GLYR1: variants seen among roughly 807,000 people sequenced by gnomAD.
GLYR1 encodes the protein cytokine-like nuclear factor N-PAC.
In GLYR1, 21 loss-of-function variants were observed where a neutral mutation model predicts 72.7. That is an observed-to-expected ratio of 0.29 (90% CI 0.20 to 0.42). The LOEUF (loss-of-function observed/expected upper bound fraction) is 0.42, where lower values mean the gene tolerates loss of function less well. Among genes scored for constraint, GLYR1 ranks in the 10% least tolerant of loss-of-function variants. GLYR1 has a pLI of 1.00. For missense variants in GLYR1, 594 were observed against 712.1 expected (o/e 0.83, Z 1.89); for synonymous variants, 392 against 270.2 (o/e 1.45, Z -4.42).
At chr16:4,845,211 T>C in intron 2 of GLYR1, 58 bp from the exon 3 acceptor site, 1 of 1,127,318 alleles carries the variant, frequency 8.9e-7, no homozygotes, top group Non-Finnish European at 1.4e-6. Flanking sequence ...CACTTTCTAG[T>C]GGCTCCACAT....
At position 4,841,673 on chromosome 16, in the gene GLYR1, AAC is replaced by A. The variant is rs1269159702; in HGVS notation, c.155+3399_155+3400del. On this transcript the variant is annotated intron_variant, in intron 3 of 15. Coordinates refer to ENST00000321919, the MANE Select transcript of GLYR1 (RefSeq NM_032569.4). ...CAAGAACAACAACAACAACAACAAC[AAC>A]AAAAAACATAAGGAAACAATGGCTT... 4.6e-5 allele frequency among the ~76,000 whole-genome samples: 7 copies of A among 151,902 alleles called. No individual in the cohort carries two copies. The South Asian group carries it at 8.3e-4, about 18-fold the overall frequency.
chr16:4,820,106 T>G (rs1033297537), intron 9 of GLYR1, among the ~76,000 whole-genome samples: 1 of 152,142 alleles, frequency 6.6e-6, no homozygotes, highest in African/African-American at 2.4e-5. Flanking sequence ...CAAGCGATTC[T>G]CCCACCTCAG....
chr16:4,824,498 C>CAAAA (rs142627380), intron 5 of GLYR1, among the ~76,000 whole-genome samples: 2 of 95,148 alleles, frequency 2.1e-5, no homozygotes, highest in Admixed American at 1.1e-4. Context: ...GACTCCATCT[C>CAAAA]AAAAAAAAAA....
At chr16:4,821,658 T>C (rs376364915) in intron 7 of GLYR1, 61 bp from the exon 8 acceptor site, 99 of 1,493,850 alleles carry the variant, frequency 6.6e-5, no homozygotes, top group Non-Finnish European at 9.0e-5. Flanking sequence ...GTCTTCATAA[T>C]AATCCCCTCA....
At chr16:4,836,576 A>C (rs941993486) in intron 3 of GLYR1, among the ~76,000 whole-genome samples, 1 of 152,196 alleles carries the variant, frequency 6.6e-6, no homozygotes, top group African/African-American at 2.4e-5. Flanking sequence ...CAGAGAAGGA[A>C]AGCGGATGTC....
chr16:4,814,681 G>A (rs769383661), intron 10 of GLYR1, 34 bp from the exon 11 acceptor site: 8 of 1,505,542 alleles, frequency 5.3e-6, no homozygotes, highest in South Asian at 3.4e-5. Flanking sequence ...GTGAGCTGCA[G>A]GCAGTGCACA....
rs1491144084 is a variant in GLYR1, at chr16:4,804,932, CCT to C, written c.*302_*303del. 2.1e-5 allele frequency: 6 copies of C among 291,920 alleles called. No individual in the cohort carries two copies. Among genetic ancestry groups the C allele is most frequent in the Non-Finnish European group, 3.2e-5 (5 of 157,860 alleles). The allele number at this position is 291,920 out of a possible 1,614,324, so 18.1% of individuals were successfully genotyped here. ...GGCAGCTTCTATCCTGGGGCGAGAG[CCT>C]GTGTGTGTGTGTGTGTGTGTGTGTG... On this transcript the variant is annotated 3_prime_UTR_variant, in exon 16 of 16. Transcript: ENST00000321919.
intron 5 of GLYR1, among the ~76,000 whole-genome samples, chr16:4,827,675 T>G (rs1567741883): frequency 6.6e-6 from 1 of 151,774 alleles, no homozygotes. Flanking sequence ...CCGAGGCAGG[T>G]GGATCATGAG....
intron 15 of GLYR1, among the ~76,000 whole-genome samples, chr16:4,810,084 G>T (rs1402479274): frequency 6.6e-6 from 1 of 152,074 alleles, no homozygotes; most frequent in African/African-American, 2.4e-5. Context: ...ATGGATCAAA[G>T]AAGAAATCAG....
chr16:4,833,735 G>A (rs1047615691), intron 3 of GLYR1, among the ~76,000 whole-genome samples: 1 of 152,044 alleles, frequency 6.6e-6, no homozygotes, highest in Non-Finnish European at 1.5e-5. Context: ...AACCATCAAT[G>A]TGTAACACAT....
At chr16:4,829,519 C>T (rs1269554348) in intron 5 of GLYR1, among the ~76,000 whole-genome samples, 1 of 151,870 alleles carries the variant, frequency 6.6e-6, no homozygotes, top group East Asian at 1.9e-4. Flanking sequence ...CAGGGTCTCG[C>T]TGTGTCACCC....
chr16:4,827,648 C>T (rs1249545668), intron 5 of GLYR1, among the ~76,000 whole-genome samples: 1 of 152,126 alleles, frequency 6.6e-6, no homozygotes, highest in Non-Finnish European at 1.5e-5. Context: ...CGCCTGTCAT[C>T]CCAGCACTTT....
intron 10 of GLYR1, 121 bp from the exon 11 acceptor site, chr16:4,814,768 G>A (rs2083530011): frequency 5.3e-6 from 4 of 760,858 alleles, no homozygotes; most frequent in Admixed American, 4.6e-5. Flanking sequence ...CTGAGGCCGG[G>A]AGCCTGGGTC....
intron 15 of GLYR1, among the ~76,000 whole-genome samples, 198 bp from the exon 16 acceptor site, chr16:4,805,508 G>A (rs1245638296): frequency 1.3e-5 from 2 of 152,246 alleles, no homozygotes; most frequent in Non-Finnish European, 2.9e-5. Context: ...TGCTCTGGGA[G>A]AAGGAACAGT....
chr16:4,806,956 G>A (rs371220734), intron 15 of GLYR1, among the ~76,000 whole-genome samples: 328 of 151,460 alleles, frequency 2.2e-3, no homozygotes, highest in Non-Finnish European at 4.0e-3. Flanking sequence ...ACAGGCGCCC[G>A]CCACCACGCC....
intron 9 of GLYR1, among the ~76,000 whole-genome samples, chr16:4,820,687 AAAC>A (rs766737557): frequency 5.9e-5 from 9 of 152,236 alleles, no homozygotes; most frequent in Non-Finnish European, 1.2e-4. Flanking sequence ...TGAAAGGTAC[AAAC>A]TGGAAACTGA....
chr16:4,828,277 G>C (rs1264140410), intron 5 of GLYR1, among the ~76,000 whole-genome samples: 1 of 151,860 alleles, frequency 6.6e-6, no homozygotes, highest in African/African-American at 2.4e-5. Context: ...CACCGTGTTA[G>C]CCAGGATGGT....
intron 3 of GLYR1, among the ~76,000 whole-genome samples, chr16:4,833,505 G>A (rs2084927019): frequency 6.6e-6 from 1 of 152,108 alleles, no homozygotes; most frequent in Admixed American, 6.6e-5. Flanking sequence ...CACAGCCACT[G>A]AGCCTATATT....
chr16:4,835,186 T>G (rs1026732900), intron 3 of GLYR1, among the ~76,000 whole-genome samples: 2 of 152,092 alleles, frequency 1.3e-5, no homozygotes, highest in South Asian at 4.2e-4. Flanking sequence ...ACCCACGCCA[T>G]CCTGCTACCT....
Sources: allele counts gnomAD v4.1 joint callset (sites outside exome capture counted in the v4.1 genomes callset), GRCh38; gene constraint gnomAD v4.1.1; transcripts MANE v1.5; gene names NCBI Gene and HGNC (gene_info 2026-07-23, HGNC 2026-07-21).